The following CYP4F3 variants were observed in gnomAD, a reference collection of about 807,000 sequenced individuals.
CYP4F3 encodes the protein cytochrome P450 family 4 subfamily F member 3, also known as cytochrome P450 4F3.
In CYP4F3, 50 loss-of-function variants were observed where a neutral mutation model predicts 54.8. That is an observed-to-expected ratio of 0.91 (90% confidence interval 0.73 to 1.16). The LOEUF (loss-of-function observed/expected upper bound fraction) is 1.16, where lower values mean the gene tolerates loss of function less well. Ranked by LOEUF, CYP4F3 falls within the 50% of genes most tolerant of loss-of-function variation. The pLI is 0.00. For synonymous variants in CYP4F3, 244 were observed against 262.6 expected, an observed-to-expected ratio of 0.93 and a Z score of 0.69; for missense variants, 715 against 676.2, an observed-to-expected ratio of 1.06 and a Z score of -0.64.
chr19:15,653,556 C>G (rs758100576), intron 9 of CYP4F3, among the ~76,000 whole-genome samples: 1 of 152,146 alleles, frequency 6.6e-6, no homozygotes, highest in African/African-American at 2.4e-5. Flanking sequence ...CTGGGCAGGA[C>G]AGTCCCAGCC....
At chr19:15,648,335 C>T (rs184494304) in intron 5 of CYP4F3, among the ~76,000 whole-genome samples, 201 of 151,986 alleles carry the variant, frequency 1.3e-3, no homozygotes, top group Non-Finnish European at 6.9e-4. Context: ...CTATAAATGC[C>T]TGCTGACATC....
In CYP4F3 at chr19:15,662,268, C is replaced by G. The variant is rs368168502; in HGVS notation, c.*2883C>G. On this transcript the variant is annotated 3_prime_UTR_variant, in exon 13 of 13. Coordinates refer to ENST00000221307, the MANE Select transcript of CYP4F3 (RefSeq NM_000896.3). ...CCTGGGTGAAAGAGCTAGATTCTCT[C>G]TCTCAAAAAAAAAAAAAAAAAAAAG... The G allele has an allele frequency of 0.35, 22,389 of 64,322 alleles. 4,334 individuals carry two copies. The highest frequency in any genetic ancestry group is 0.56 in the East Asian group (1,693 of 3,032). The allele number at this position is 64,322 out of a possible 1,614,324, so 4.0% of individuals were successfully genotyped here.
chr19:15,650,797 T>TCTTTCTTTCTTTC (rs1254755820), intron 7 of CYP4F3, among the ~76,000 whole-genome samples: 1 of 50,072 alleles, frequency 2.0e-5, no homozygotes, highest in Non-Finnish European at 3.8e-5. Flanking sequence ...CTTTCTTTCT[T>TCTTTCTTTCTTTC]TCTCTCTCTT....
Position 15,658,271 on chromosome 19 carries a change from C to T in CYP4F3, c.1123C>T (p.Leu375=), listed in dbSNP as rs775424947. 1.2e-6 allele frequency: 2 copies of T among 1,614,030 alleles called. No homozygotes were observed. Among genetic ancestry groups the T allele is most frequent in the South Asian group, 1.1e-5 (1 of 91,078 alleles). The stretch of plus-strand genomic sequence containing the variant: ...GCTGGGGTGTTTCCTTAGGGACGAC[C>T]TGGCCCAGCTGCCCTTCCTGACCAT... The part of the protein sequence containing the change: ...REPKEIEWDD[L]AQLPFLTMCI... The change falls in exon 10 of 13, where the codon CTG becomes TTG. Residue 375 remains leucine (L), a synonymous_variant. Transcript: ENST00000221307.
chr19:15,654,775 G>T (rs1052152521), intron 9 of CYP4F3, among the ~76,000 whole-genome samples: 1 of 152,184 alleles, frequency 6.6e-6, no homozygotes, highest in Non-Finnish European at 1.5e-5. Context: ...CACTTAAGTT[G>T]ATTCCATATT....
At chr19:15,659,057 C>T (rs1021674835) in intron 12 of CYP4F3, among the ~76,000 whole-genome samples, 163 bp from the exon 13 acceptor site, 19 of 150,684 alleles carry the variant, frequency 1.3e-4, no homozygotes, top group African/African-American at 3.7e-4. Context: ...CGGCTAGGCT[C>T]GCAGGATATG....
rs1973096087 is a variant in CYP4F3 at position 15,658,559 on chromosome 19, C to T, written c.1314+4C>T. The T allele has an allele frequency of 3.7e-6, 6 of 1,614,066 alleles. No homozygotes were observed. The East Asian group carries it at 6.7e-5, about 18-fold the overall frequency. On this transcript the variant is annotated splice_donor_region_variant and intron_variant, in intron 11 of 12. Transcript: ENST00000221307. Reference sequence around the variant, plus strand: ...AGCCGTGTGGCCGGACCCTGAGGTGCGGGCCCCCCGTCTCTGTTTTTGTCC... The same window carrying T: ...AGCCGTGTGGCCGGACCCTGAGGTGTGGGCCCCCCGTCTCTGTTTTTGTCC...
Position 15,658,705 on chromosome 19 carries a change from C to G in CYP4F3, c.1315-22C>G, listed in dbSNP as rs762015887. On this transcript the variant is annotated intron_variant, in intron 11 of 12. Transcript: ENST00000221307. ...CGGACTGGGAGACCCCACCCGGCAA[C>G]CCTTCTTGGTCTCGCCTCCAGGTCT... The G allele has an allele frequency of 2.5e-6, 4 of 1,613,670 alleles. No individual in the cohort carries two copies. The East Asian group carries it at 6.7e-5, about 27-fold the overall frequency.
chr19:15,652,744 G>A, intron 8 of CYP4F3, 79 bp from the exon 9 acceptor site: 1 of 1,603,244 alleles, frequency 6.2e-7, no homozygotes, highest in Non-Finnish European at 8.5e-7. Context: ...TCCTCCCTGA[G>A]GTCCTCAATG....
rs150284363 is a variant in CYP4F3, at chr19:15,647,060, G to A, written c.352G>A (p.Val118Ile). Residue 118 changes from valine (V) to isoleucine (I), a missense_variant, in exon 4 of 13, where the codon GTA becomes ATA. By Grantham distance (29) the Val-to-Ile change is conservative. Transcript: ENST00000221307. ...GTCCTCATTTATGTCAGCTGCCATT[G>A]TACCAAAGGACAAGGTCTTCTACAG... ...KPVLFAPAAI[V>I]PKDKVFYSFL... 2.5e-5 allele frequency: 41 copies of A among 1,613,938 alleles called. No individual in the cohort carries two copies. Among genetic ancestry groups the A allele is most frequent in the Non-Finnish European group, 3.3e-5 (39 of 1,180,018 alleles).
intron 2 of CYP4F3, chr19:15,643,778 T>G: frequency 1.7e-5 from 20 of 1,201,100 alleles, no homozygotes; most frequent in Non-Finnish European, 2.2e-5. Context: ...TTTACCAAAT[T>G]GAATGCCAGT....
chr19:15,650,292 T>C, intron 7 of CYP4F3, 109 bp downstream of exon 7: 1 of 1,602,858 alleles, frequency 6.2e-7, no homozygotes, highest in South Asian at 1.1e-5. Flanking sequence ...CCATGGAAGG[T>C]GATTGAGGAA....
chr19:15,643,471 C>A (rs75615347), intron 2 of CYP4F3, among the ~76,000 whole-genome samples: 1 of 151,978 alleles, frequency 6.6e-6, no homozygotes, highest in Non-Finnish European at 1.5e-5. Context: ...GACAGGCAGA[C>A]AGACAGATAG....
chr19:15,648,536 A>G, intron 5 of CYP4F3, among the ~76,000 whole-genome samples: 1 of 152,192 alleles, frequency 6.6e-6, no homozygotes, highest in East Asian at 1.9e-4. Context: ...CTCAGGACTC[A>G]TGGAGGACTA....
At chr19:15,651,238 A>G (rs1972846764) in intron 7 of CYP4F3, among the ~76,000 whole-genome samples, 1 of 133,170 alleles carries the variant, frequency 7.5e-6, no homozygotes, top group Non-Finnish European at 1.7e-5. Context: ...GTTCTTGTCT[A>G]TGTCTATGTG....
intron 12 of CYP4F3, 24 bp downstream of exon 12, chr19:15,658,833 C>A (rs541422646): frequency 4.3e-6 from 7 of 1,611,594 alleles, no homozygotes; most frequent in South Asian, 2.2e-5. Context: ...GTGTTTGAGG[C>A]GGGGACGGGG....
intron 7 of CYP4F3, among the ~76,000 whole-genome samples, 157 bp from the exon 8 acceptor site, chr19:15,652,412 C>T (rs1972882551): frequency 6.6e-6 from 1 of 151,874 alleles, no homozygotes. Context: ...GGGCTCTGGC[C>T]ATGGTGACCA....
At chr19:15,658,619 G>C (rs934659942) in intron 11 of CYP4F3, 64 bp downstream of exon 11, 104 of 1,610,154 alleles carry the variant, frequency 6.5e-5, no homozygotes, top group Non-Finnish European at 7.7e-5. Context: ...GCAGGGTTTT[G>C]ATCAGGAGAA....
intron 7 of CYP4F3, 133 bp downstream of exon 7, chr19:15,650,316 C>T: frequency 1.3e-6 from 2 of 1,558,978 alleles, no homozygotes; most frequent in Non-Finnish European, 1.7e-6. Context: ...AGGGACAGGT[C>T]AGAGATAGGT....
Sources: gnomAD v4.1 joint callset for allele counts (sites outside exome capture counted in the v4.1 genomes callset) on GRCh38, gnomAD v4.1.1 for gene constraint, MANE v1.5 for transcripts, NCBI Gene and HGNC (gene_info 2026-07-23, HGNC 2026-07-21) for gene names.